FOXI2: variants seen among roughly 807,000 people sequenced by gnomAD.
The protein encoded by FOXI2 is forkhead box I2.
Under a neutral mutation model 14.3 loss-of-function variants are expected in FOXI2, and 17 were observed. That is an observed-to-expected ratio of 1.19 (90% CI 0.81 to 1.78). FOXI2 has a LOEUF of 1.78. Ranked by LOEUF, FOXI2 falls within the 40% of genes most tolerant of loss-of-function variation. FOXI2 has a pLI of 0.00. For synonymous variants in FOXI2, 240 were observed against 218.8 expected, an observed-to-expected ratio of 1.10 and a Z score of -0.85; for missense variants, 541 against 460.0, an observed-to-expected ratio of 1.18 and a Z score of -1.61.
At chr10:127,738,499 G>A in intron 1 of FOXI2, 21 bp from the exon 2 acceptor site, 1 of 1,590,902 alleles carries the variant, frequency 6.3e-7, no homozygotes. Flanking sequence ...CTTCTGAACT[G>A]GGCTGTTTCT....
At chr10:127,737,859 G>C in intron 1 of FOXI2, 75 bp downstream of exon 1, 1 of 1,550,022 alleles carries the variant, frequency 6.5e-7, no homozygotes, top group South Asian at 1.2e-5. Context: ...TCCGGGGGTG[G>C]GAGCACCTTA....
chr10:127,737,283 T>C lies in FOXI2; in HGVS notation c.10T>C (p.Tyr4His). The C allele has an allele frequency of 6.8e-7, 1 of 1,473,332 alleles. No individual in the cohort carries two copies. Among genetic ancestry groups the C allele is most frequent in the Non-Finnish European group, 8.9e-7 (1 of 1,122,588 alleles). The allele number at this position is 1,473,332 out of a possible 1,614,324, so 91.3% of individuals were successfully genotyped here. Residue 4 changes from tyrosine (Y) to histidine (H), a missense_variant, in exon 1 of 2, where the codon TAC (tyrosine) becomes CAC (histidine). Physicochemically the swap from Tyr to His is moderately conservative, Grantham distance 83. Transcript: ENST00000388920. Reference sequence around the variant, plus strand: ...CCGGGCGCGGCTGGACATGGCCACCTACTGCGACGACCTGGGCCCCTCCTC... The same window carrying C: ...CCGGGCGCGGCTGGACATGGCCACCCACTGCGACGACCTGGGCCCCTCCTC... MAT[Y>H]CDDLGPSSAP...
In FOXI2 at chr10:127,739,786, CACACCCACACT is replaced by C. The variant is rs1846472303; in HGVS notation, c.*822_*832del. On this transcript the variant is annotated 3_prime_UTR_variant, in exon 2 of 2. Transcript: ENST00000388920. ...GGTTTGTGCCACCCACACCCACACT[CACACCCACACT>C]CACACCCACACTCACACCCACACCC... is the stretch of plus-strand genomic sequence containing the variant. 3 of 145,998 alleles carry C rather than the reference CACACCCACACT, an allele frequency of 2.1e-5. No homozygotes were observed. Among genetic ancestry groups the C allele is most frequent in the African/African-American group, 7.8e-5 (3 of 38,374 alleles). The allele number at this position is 145,998 out of a possible 1,614,324, so 9.0% of individuals were successfully genotyped here.
Position 127,737,382 on chromosome 10 carries a change from G to C in FOXI2, c.109G>C (p.Gly37Arg). Residue 37 changes from glycine to arginine, a missense_variant, in exon 1 of 2, where the codon GGG becomes CGG. Coordinates refer to ENST00000388920, the MANE Select transcript of FOXI2 (RefSeq NM_207426.3). ...YEPGDLGAVG[G>R]GPLLWVNAPA... The stretch of plus-strand genomic sequence containing the variant: ...GCCAGGGGATCTGGGCGCGGTGGGC[G>C]GGGGCCCCCTCCTGTGGGTGAACGC... The C allele has an allele frequency of 2.1e-6, 3 of 1,396,506 alleles. No individual in the cohort carries two copies. The highest frequency in any genetic ancestry group is 2.8e-6 in the Non-Finnish European group (3 of 1,089,582). 86.5% of individuals were successfully genotyped at this position (1,396,506 alleles called of 1,614,324 possible).
rs1483915679 is a variant in FOXI2 at position 127,740,069 on chromosome 10, TACTCACACTCACACCCAC to T, written c.*1131_*1148del. The T allele has an allele frequency of 8.1e-5, 5 of 62,064 alleles. No individual in the cohort carries two copies. Among genetic ancestry groups the T allele is most frequent in the Non-Finnish European group, 1.1e-4 (4 of 34,896 alleles). 3.8% of individuals were successfully genotyped at this position (62,064 alleles called of 1,614,324 possible). On this transcript the variant is annotated 3_prime_UTR_variant, in exon 2 of 2. Transcript: ENST00000388920. Reference sequence around the variant, plus strand: ...ACACCCACACTCACACCCACACTCATACTCACACTCACACCCACACTCACACTCACACCCACACTCACA... The same window carrying T: ...ACACCCACACTCACACCCACACTCATACTCACACTCACACCCACACTCACA...
rs1164848178 is a variant in FOXI2, at chr10:127,740,135, C to CCACA, written c.*1172_*1175dup. ...ACACCACACTCACACCCACACACAC[C>CCACA]CACACTCATACTCACACCCACACCC... On this transcript the variant is annotated 3_prime_UTR_variant, in exon 2 of 2. Coordinates refer to ENST00000388920, the MANE Select transcript of FOXI2 (RefSeq NM_207426.3). 2.1e-3 allele frequency: 79 copies of CCACA among 38,406 alleles called. 1 individual carries two copies. The highest frequency in any genetic ancestry group is 4.3e-3 in the African/African-American group (73 of 17,166). The allele number at this position is 38,406 out of a possible 1,614,324, so 2.4% of individuals were successfully genotyped here.
In FOXI2 at chr10:127,737,475, T is replaced by C; in HGVS notation, c.202T>C (p.Tyr68His). 1 of 1,385,616 alleles carries C rather than the reference T, an allele frequency of 7.2e-7. No individual in the cohort carries two copies. Among genetic ancestry groups the C allele is most frequent in the Non-Finnish European group, 9.2e-7 (1 of 1,081,138 alleles). 85.8% of individuals were successfully genotyped at this position (1,385,616 alleles called of 1,614,324 possible). The change falls in exon 1 of 2, where the codon TAC (tyrosine) becomes CAC (histidine). Residue 68 changes from tyrosine (Y) to histidine (H), a missense_variant. Coordinates refer to ENST00000388920, the MANE Select transcript of FOXI2 (RefSeq NM_207426.3). ...TGCGCCGCCCTACGCGGCCCCGAGC[T>C]ACGGGGCTCCCGGCCCGCTCCTCGG... ...GPAPPYAAPS[Y>H]GAPGPLLGAP...
chr10:127,737,886 C>T, intron 1 of FOXI2, 102 bp downstream of exon 1: 1 of 1,502,692 alleles, frequency 6.7e-7, no homozygotes, highest in Non-Finnish European at 8.9e-7. Context: ...CTAATTTCTC[C>T]CTGCGCGGTT....
chr10:127,739,109 A>T lies in FOXI2; in HGVS notation c.*144A>T. 1.4e-6 allele frequency: 1 copy of T among 729,508 alleles called. No individual in the cohort carries two copies. The highest frequency in any genetic ancestry group is 2.2e-6 in the Non-Finnish European group (1 of 457,326). 45.2% of individuals were successfully genotyped at this position (729,508 alleles called of 1,614,324 possible). A position where few individuals can be genotyped will look rare whatever the true frequency, so the allele number is the denominator to read the frequency against. ...CAGAGCCGGGGGCGGCTCGGCCAGC[A>T]GGGAGCTGGGCTGAGCGGCTCTTGG... On this transcript the variant is annotated 3_prime_UTR_variant, in exon 2 of 2. Coordinates refer to ENST00000388920, the MANE Select transcript of FOXI2 (RefSeq NM_207426.3).
In FOXI2 at chr10:127,740,027, C is replaced by T. The variant is rs1212675626; in HGVS notation, c.*1062C>T. On this transcript the variant is annotated 3_prime_UTR_variant, in exon 2 of 2. Transcript: ENST00000388920. ...ACACTCACACTGACACCCACACTCACACCCACACTCACACTGACACCCACA... is the reference window on the plus strand; with the variant it reads ...ACACTCACACTGACACCCACACTCATACCCACACTCACACTGACACCCACA... The T allele has an allele frequency of 2.1e-5, 3 of 142,468 alleles. No homozygotes were observed. The highest frequency in any genetic ancestry group is 3.1e-5 in the Non-Finnish European group (2 of 65,482). The allele number at this position is 142,468 out of a possible 1,614,324, so 8.8% of individuals were successfully genotyped here. A position where few individuals can be genotyped will look rare whatever the true frequency, so the allele number is the denominator to read the frequency against.
Position 127,739,892 on chromosome 10 carries a change from CCCACACTCACACACACT to C in FOXI2, c.*929_*945del, listed in dbSNP as rs1846482671. The C allele has an allele frequency of 1.2e-5, 1 of 80,642 alleles. No homozygotes were observed. The highest frequency in any genetic ancestry group is 4.2e-5 in the African/African-American group (1 of 23,582). 5.0% of individuals were successfully genotyped at this position (80,642 alleles called of 1,614,324 possible). Reference sequence around the variant, plus strand: ...ACCCACACTCACACCCACACCCACACCCACACTCACACACACTCACACCCACACCCACACTCACACCC... The same window carrying C: ...ACCCACACTCACACCCACACCCACACCACACCCACACCCACACTCACACCC... On this transcript the variant is annotated 3_prime_UTR_variant, in exon 2 of 2. Coordinates refer to ENST00000388920, the MANE Select transcript of FOXI2 (RefSeq NM_207426.3).
Position 127,738,969 on chromosome 10 carries a change from G to A in FOXI2, c.*4G>A. 6.3e-7 allele frequency: 1 copy of A among 1,597,350 alleles called. No individual in the cohort carries two copies. ...CCGGGAAGGGACCGAAGTTTGAAGG[G>A]AGGCTGGAGGCTAGCCGGGTGCGGG... On this transcript the variant is annotated 3_prime_UTR_variant, in exon 2 of 2. Transcript: ENST00000388920.
intron 1 of FOXI2, among the ~76,000 whole-genome samples, chr10:127,738,027 T>C (rs984449426): frequency 1.3e-5 from 2 of 152,104 alleles, no homozygotes; most frequent in Admixed American, 1.3e-4. Context: ...CTCTGTGCGC[T>C]CCTTCGGAGG....
Position 127,737,247 on chromosome 10 carries a change from C to A in FOXI2, c.-27C>A. On this transcript the variant is annotated 5_prime_UTR_variant, in exon 1 of 2. In the 5' UTR this introduces an upstream ATG that the reference lacks. Transcript: ENST00000388920. ...GCCAGTGAGTTTCGGTGCGGCACCGCTGGCCCAGGCCCGGGCGCGGCTGGA... is the reference window on the plus strand; with the variant it reads ...GCCAGTGAGTTTCGGTGCGGCACCGATGGCCCAGGCCCGGGCGCGGCTGGA... 5.4e-6 allele frequency: 8 copies of A among 1,469,932 alleles called. No homozygotes were observed. Among genetic ancestry groups the A allele is most frequent in the Non-Finnish European group, 6.2e-6 (7 of 1,121,234 alleles). 91.1% of individuals were successfully genotyped at this position (1,469,932 alleles called of 1,614,324 possible).
In FOXI2 at chr10:127,739,218, C is replaced by T. The variant is rs1846461526; in HGVS notation, c.*253C>T. The T allele has an allele frequency of 6.2e-6, 3 of 480,894 alleles. No individual in the cohort carries two copies. Among genetic ancestry groups the T allele is most frequent in the African/African-American group, 2.0e-5 (1 of 48,946 alleles). The allele number at this position is 480,894 out of a possible 1,614,324, so 29.8% of individuals were successfully genotyped here. A position where few individuals can be genotyped will look rare whatever the true frequency, so the allele number is the denominator to read the frequency against. On this transcript the variant is annotated 3_prime_UTR_variant, in exon 2 of 2. Transcript: ENST00000388920. ...TCCCTGCTCTGCCTCTAAGTCCAGC[C>T]GCCCTGGGCGTCTAGAACCTGTGCT...
chr10:127,740,112 A>ACCCACACCCACACTCACAC lies in FOXI2; in HGVS notation c.*1149_*1150insCACACCCACACTCACACCC. 3.3e-5 allele frequency: 1 copy of ACCCACACCCACACTCACAC among 30,154 alleles called. No individual in the cohort carries two copies. 1.9% of individuals were successfully genotyped at this position (30,154 alleles called of 1,614,324 possible). On this transcript the variant is annotated 3_prime_UTR_variant, in exon 2 of 2. Transcript: ENST00000388920. ...CACTCACACTCACACCCACACTCAC[A>ACCCACACCCACACTCACAC]CCACACTCACACCCACACACACCCA...
Position 127,737,724 on chromosome 10 carries a change from C to A in FOXI2, c.451C>A (p.Arg151Ser). 1 of 1,612,596 alleles carries A rather than the reference C, an allele frequency of 6.2e-7. No homozygotes were observed. The highest frequency in any genetic ancestry group is 1.1e-5 in the South Asian group (1 of 90,828). ...RSKAGWQNSI[R>S]HNLSLNDCFK... ...CAAGGCGGGCTGGCAGAACTCCATC[C>A]GCCACAACCTGTCGCTCAACGACTG... Residue 151 changes from arginine to serine, a missense_variant, in exon 1 of 2, where the codon CGC becomes AGC. Coordinates refer to ENST00000388920, the MANE Select transcript of FOXI2 (RefSeq NM_207426.3).
rs1846474528 is a variant in FOXI2, at chr10:127,739,809, T to TCACACTCACACC, written c.*849_*850insTCACACCCACAC. ...CTCACACCCACACTCACACCCACAC[T>TCACACTCACACC]CACACCCACACCCACACCCACACCC... On this transcript the variant is annotated 3_prime_UTR_variant, in exon 2 of 2. Transcript: ENST00000388920. The TCACACTCACACC allele has an allele frequency of 3.8e-5, 2 of 52,392 alleles. No homozygotes were observed. Among genetic ancestry groups the TCACACTCACACC allele is most frequent in the South Asian group, 7.6e-4 (1 of 1,316 alleles). 3.2% of individuals were successfully genotyped at this position (52,392 alleles called of 1,614,324 possible).
chr10:127,737,384 G>A lies in FOXI2; in HGVS notation c.111G>A (p.Gly37=). Residue 37 remains glycine (G), a synonymous_variant, in exon 1 of 2, where the codon GGG becomes GGA. Coordinates refer to ENST00000388920, the MANE Select transcript of FOXI2 (RefSeq NM_207426.3). ...CAGGGGATCTGGGCGCGGTGGGCGGGGGCCCCCTCCTGTGGGTGAACGCGC... is the reference window on the plus strand; with the variant it reads ...CAGGGGATCTGGGCGCGGTGGGCGGAGGCCCCCTCCTGTGGGTGAACGCGC... ...YEPGDLGAVG[G]GPLLWVNAPA... is the part of the protein sequence containing the mutation. 1 of 1,396,614 alleles carries A rather than the reference G, an allele frequency of 7.2e-7. No homozygotes were observed. The allele number at this position is 1,396,614 out of a possible 1,614,324, so 86.5% of individuals were successfully genotyped here.
Sources: allele counts gnomAD v4.1 joint callset (sites outside exome capture counted in the v4.1 genomes callset), GRCh38; gene constraint gnomAD v4.1.1; transcripts MANE v1.5; gene names NCBI Gene and HGNC (gene_info 2026-07-23, HGNC 2026-07-21).